DSCAM: variants seen among roughly 807,000 people sequenced by gnomAD.
DSCAM encodes the protein cell adhesion molecule DSCAM.
A neutral mutation model predicts 217.7 loss-of-function variants in DSCAM; 47 were observed. The observed-to-expected ratio is 0.22, with a 90% CI of 0.17 to 0.28. The LOEUF is 0.28. Among genes scored for constraint, DSCAM ranks in the 10% least tolerant of loss-of-function variants. The probability of loss-of-function intolerance (pLI) is 1.00; values close to 1 mark genes in which losing one functional copy is unlikely to be tolerated. For missense variants in DSCAM, 2,080 were observed against 2,618.3 expected (o/e 0.79, Z 4.49); for synonymous variants, 1,056 against 1,015.3 (o/e 1.04, Z -0.76).
chr21:40,800,684 A>G (rs1425924247), intron 1 of DSCAM, among the ~76,000 whole-genome samples: 1 of 151,518 alleles, frequency 6.6e-6, no homozygotes, highest in Non-Finnish European at 1.5e-5. Context: ...TATCTGACAC[A>G]AGGCATTTCT....
chr21:40,420,820 C>G (rs1165866510), intron 3 of DSCAM, among the ~76,000 whole-genome samples: 1 of 152,116 alleles, frequency 6.6e-6, no homozygotes. Flanking sequence ...CAGCAAACGA[C>G]CAGAAGCTAC....
intron 3 of DSCAM, among the ~76,000 whole-genome samples, chr21:40,564,043 G>A (rs182674568): frequency 1.2e-4 from 18 of 152,186 alleles, no homozygotes; most frequent in East Asian, 1.9e-4. Context: ...CAGGCTTCCC[G>A]CCCATCTGAG....
intron 3 of DSCAM, among the ~76,000 whole-genome samples, chr21:40,536,497 G>T (rs990084294): frequency 6.6e-6 from 1 of 151,728 alleles, no homozygotes; most frequent in South Asian, 2.1e-4. Flanking sequence ...CGCCTCCCGG[G>T]TTCACGCCAT....
At chr21:40,508,646 G>A (rs1323312278) in intron 3 of DSCAM, among the ~76,000 whole-genome samples, 2 of 149,040 alleles carry the variant, frequency 1.3e-5, no homozygotes, top group Non-Finnish European at 3.0e-5. Flanking sequence ...ATCGCTCTCA[G>A]TAGCCTCAAA....
At chr21:40,608,656 T>G (rs956898690) in intron 3 of DSCAM, among the ~76,000 whole-genome samples, 8 of 152,202 alleles carry the variant, frequency 5.3e-5, no homozygotes, top group Non-Finnish European at 1.2e-4. Context: ...AAAGCCCATA[T>G]TCAAATGCAG....
chr21:40,449,744 C>CT (rs1490346478), intron 3 of DSCAM, among the ~76,000 whole-genome samples: 1 of 152,090 alleles, frequency 6.6e-6, no homozygotes, highest in Non-Finnish European at 1.5e-5. Context: ...ATCTATATAT[C>CT]TTTTTTACTT....
rs554497731 is a variant in DSCAM, at chr21:40,262,265, G to A, written c.2356+13832C>T. Among the ~76,000 whole-genome samples the A allele has an allele frequency of 2.2e-4, 33 of 152,190 alleles. 1 individual carries two copies. The South Asian group carries it at 2.5e-3, about 11-fold the overall frequency. On this transcript the variant is annotated intron_variant, in intron 11 of 32. Transcript: ENST00000400454. ...AAAAGAGGGTGGGAAATCTAACCACGGTATTTGAGAGGCAGGATATTTAGG... is the reference window on the plus strand; with the variant it reads ...AAAAGAGGGTGGGAAATCTAACCACAGTATTTGAGAGGCAGGATATTTAGG...
intron 1 of DSCAM, among the ~76,000 whole-genome samples, chr21:40,812,279 G>T (rs571605453): frequency 6.6e-6 from 1 of 152,184 alleles, no homozygotes; most frequent in African/African-American, 2.4e-5. Context: ...GCAAGAATAT[G>T]TTCTCCCCTT....
intron 1 of DSCAM, among the ~76,000 whole-genome samples, chr21:40,828,408 T>G (rs555019521): frequency 6.6e-6 from 1 of 152,064 alleles, no homozygotes; most frequent in Non-Finnish European, 1.5e-5. Context: ...GACCTGAGAT[T>G]AAGGTTCCAT....
chr21:40,454,393 T>A (rs2075746635), intron 3 of DSCAM, among the ~76,000 whole-genome samples: 1 of 152,192 alleles, frequency 6.6e-6, no homozygotes. Context: ...TGAAACCATA[T>A]CTGTGAAAGT....
intron 3 of DSCAM, among the ~76,000 whole-genome samples, chr21:40,428,994 C>G (rs565675817): frequency 2.0e-5 from 3 of 152,108 alleles, no homozygotes; most frequent in Non-Finnish European, 4.4e-5. Context: ...ACAGCCCCCA[C>G]ATGGCTACTG....
At chr21:40,524,375 T>G (rs2146094968) in intron 3 of DSCAM, among the ~76,000 whole-genome samples, 1 of 152,276 alleles carries the variant, frequency 6.6e-6, no homozygotes, top group South Asian at 2.1e-4. Flanking sequence ...ATTTTTAAAC[T>G]TGTCCTTTTT....
intron 3 of DSCAM, among the ~76,000 whole-genome samples, chr21:40,578,787 A>T (rs1315770795): frequency 6.6e-6 from 1 of 152,192 alleles, no homozygotes; most frequent in Non-Finnish European, 1.5e-5. Context: ...AGCAAGATGT[A>T]TGATGGGGTT....
intron 11 of DSCAM, among the ~76,000 whole-genome samples, chr21:40,206,659 C>T (rs1181163979): frequency 6.7e-6 from 1 of 150,194 alleles, no homozygotes; most frequent in Non-Finnish European, 1.5e-5. Context: ...GTAAACATTT[C>T]TAATCCTTGC....
At position 40,158,756 on chromosome 21, in the gene DSCAM, A is replaced by G. The variant is rs148571243; in HGVS notation, c.3018+8462T>C. Among the ~76,000 whole-genome samples, 460 of 152,378 alleles carry G rather than the reference A, an allele frequency of 3.0e-3. 1 individual carries two copies. The highest frequency in any genetic ancestry group is 9.9e-3 in the African/African-American group (411 of 41,594). On this transcript the variant is annotated intron_variant, in intron 16 of 32. Transcript: ENST00000400454. Reference sequence around the variant, plus strand: ...TTACTGGCAGGCAAAACAAGAAGGTAAAATGGTTTTATTTCTTATACATCT... The same window carrying G: ...TTACTGGCAGGCAAAACAAGAAGGTGAAATGGTTTTATTTCTTATACATCT...
intron 20 of DSCAM, among the ~76,000 whole-genome samples, chr21:40,122,217 C>T (rs76635204): frequency 0.027 from 4,074 of 152,198 alleles, 98 homozygotes; most frequent in Non-Finnish European, 0.04. Flanking sequence ...CCTGTATCAT[C>T]CACAAATAGG....
At chr21:40,106,285 T>C (rs2089819603) in intron 20 of DSCAM, among the ~76,000 whole-genome samples, 1 of 152,102 alleles carries the variant, frequency 6.6e-6, no homozygotes, top group Non-Finnish European at 1.5e-5. Flanking sequence ...ATGGAGAAAA[T>C]GTGAGGTACA....
At chr21:40,846,433 G>A (rs1415768120) in intron 1 of DSCAM, among the ~76,000 whole-genome samples, 186 bp downstream of exon 1, 1 of 151,872 alleles carries the variant, frequency 6.6e-6, no homozygotes, top group African/African-American at 2.4e-5. Context: ...CCTCTCCATT[G>A]CCACCTCTTC....
At chr21:40,709,184 C>G (rs1321087252) in intron 1 of DSCAM, among the ~76,000 whole-genome samples, 1 of 152,128 alleles carries the variant, frequency 6.6e-6, no homozygotes, top group African/African-American at 2.4e-5. Context: ...AGCATAGAGC[C>G]CAGCTCTCAC....
Sources: allele counts gnomAD v4.1 joint callset (sites outside exome capture counted in the v4.1 genomes callset), GRCh38; gene constraint gnomAD v4.1.1; transcripts MANE v1.5; gene names NCBI Gene and HGNC (gene_info 2026-07-23, HGNC 2026-07-21).